Variants in ASAP1 observed in about 807,000 individuals in gnomAD.
The protein encoded by ASAP1 is arf-GAP with SH3 domain, ANK repeat and PH domain-containing protein 1.
In ASAP1, 43 loss-of-function variants were observed where a neutral mutation model predicts 145.2. The observed-to-expected ratio is 0.30, with a 90% confidence interval of 0.23 to 0.38. The LOEUF (loss-of-function observed/expected upper bound fraction) is 0.38. ASAP1 is among the 10% of genes least tolerant of loss of function. The pLI is 1.00. For missense variants in ASAP1, 1,018 were observed against 1,355.3 expected, an observed-to-expected ratio of 0.75 and a Z score of 3.91; for synonymous variants, 546 against 515.5, an observed-to-expected ratio of 1.06 and a Z score of -0.80.
chr8:130,114,040 C>CT (rs1222552701), intron 23 of ASAP1, among the ~76,000 whole-genome samples: 2 of 152,136 alleles, frequency 1.3e-5, no homozygotes, highest in Admixed American at 6.5e-5. Context: ...TCTCACCCTC[C>CT]CAAAGTGCTG....
intron 1 of ASAP1, among the ~76,000 whole-genome samples, chr8:130,413,878 TTTGCCAGATTCATTCATTCATTCA>T (rs1164568567): frequency 6.7e-6 from 1 of 148,426 alleles, no homozygotes; most frequent in African/African-American, 2.5e-5. Flanking sequence ...CATCTTCTAT[TTTGCCAGATTCATTCATTCATTCA>T]TTCATTCATT....
chr8:130,318,724 A>G (rs933574980), intron 3 of ASAP1, among the ~76,000 whole-genome samples: 1 of 152,230 alleles, frequency 6.6e-6, no homozygotes, highest in Admixed American at 6.5e-5. Flanking sequence ...ACTACGTGAT[A>G]GAGTTGGGGT....
At chr8:130,132,086 A>G (rs1050424224) in intron 15 of ASAP1, among the ~76,000 whole-genome samples, 1 of 152,162 alleles carries the variant, frequency 6.6e-6, no homozygotes, top group Non-Finnish European at 1.5e-5. Flanking sequence ...GAAATCGGAG[A>G]AGGAGAAACA....
chr8:130,153,177 G>A (rs1273851437), intron 12 of ASAP1, among the ~76,000 whole-genome samples: 5 of 150,768 alleles, frequency 3.3e-5, no homozygotes, highest in East Asian at 1.9e-4. Context: ...CTGCCACTGC[G>A]CCCGGCTAAT....
chr8:130,084,963 T>C (rs774442351), intron 25 of ASAP1, among the ~76,000 whole-genome samples: 1 of 152,196 alleles, frequency 6.6e-6, no homozygotes, highest in Non-Finnish European at 1.5e-5. Context: ...AAAAGTACAA[T>C]TCTAACTCCC....
intron 2 of ASAP1, among the ~76,000 whole-genome samples, chr8:130,380,031 G>C (rs1381516775): frequency 6.6e-6 from 1 of 152,202 alleles, no homozygotes; most frequent in Non-Finnish European, 1.5e-5. Flanking sequence ...GCCTGCACCA[G>C]ACATGTGCTG....
chr8:130,173,723 G>A (rs1386915959), intron 9 of ASAP1, among the ~76,000 whole-genome samples: 1 of 150,980 alleles, frequency 6.6e-6, no homozygotes, highest in Non-Finnish European at 1.5e-5. Flanking sequence ...AGCTAGGATT[G>A]TACCACTGCA....
At chr8:130,397,615 C>T (rs1828593592) in intron 2 of ASAP1, among the ~76,000 whole-genome samples, 1 of 152,192 alleles carries the variant, frequency 6.6e-6, no homozygotes, top group Non-Finnish European at 1.5e-5. Flanking sequence ...AAAAGCTGAC[C>T]CCTTCTTAGT....
intron 2 of ASAP1, among the ~76,000 whole-genome samples, chr8:130,393,632 T>G (rs542624616): frequency 9.9e-5 from 15 of 152,244 alleles, no homozygotes; most frequent in Middle Eastern, 3.4e-3. Context: ...GGCACACACC[T>G]GTAATCCCAG....
chr8:130,056,563 T>C (rs182004267), intron 29 of ASAP1, among the ~76,000 whole-genome samples: 10 of 152,326 alleles, frequency 6.6e-5, no homozygotes, highest in African/African-American at 1.7e-4. Context: ...GAGGGCAAAA[T>C]TGCCCCAGTT....
chr8:130,356,843 G>C (rs564121436), intron 3 of ASAP1, among the ~76,000 whole-genome samples: 1 of 152,268 alleles, frequency 6.6e-6, no homozygotes, highest in Non-Finnish European at 1.5e-5. Context: ...GCCCACAGAA[G>C]CCCAAGCTTC....
chr8:130,153,357 A>ATG (rs1554834283), intron 12 of ASAP1, among the ~76,000 whole-genome samples: 44 of 39,898 alleles, frequency 1.1e-3, no homozygotes, highest in South Asian at 1.7e-3. Context: ...ATATATATAT[A>ATG]TGTATATATA....
chr8:130,340,841 C>T (rs1448395528), intron 3 of ASAP1: 3 of 452,778 alleles, frequency 6.6e-6, no homozygotes, highest in Non-Finnish European at 1.3e-5. Context: ...AAGCTTAATA[C>T]CTTGTGACTC....
intron 13 of ASAP1, among the ~76,000 whole-genome samples, chr8:130,147,837 C>T (rs1388681729): frequency 6.6e-6 from 1 of 152,140 alleles, no homozygotes; most frequent in African/African-American, 2.4e-5. Flanking sequence ...GATTTCCAAC[C>T]CTTTTGAGTA....
intron 27 of ASAP1, among the ~76,000 whole-genome samples, chr8:130,074,891 T>C (rs1485143135): frequency 2.6e-5 from 4 of 151,978 alleles, no homozygotes; most frequent in Admixed American, 2.6e-4. Flanking sequence ...CAGAAGTCAG[T>C]TGAGTGGCAG....
intron 2 of ASAP1, among the ~76,000 whole-genome samples, chr8:130,369,065 C>T (rs1414560050): frequency 1.3e-5 from 2 of 152,146 alleles, no homozygotes; most frequent in Non-Finnish European, 2.9e-5. Context: ...ATGATATTTA[C>T]GTCAAAGGAT....
intron 3 of ASAP1, among the ~76,000 whole-genome samples, chr8:130,269,870 G>A (rs147908510): frequency 3.9e-5 from 6 of 152,252 alleles, no homozygotes; most frequent in African/African-American, 1.2e-4. Flanking sequence ...TGAGGCATTC[G>A]TTCCAAGTTA....
intron 3 of ASAP1, among the ~76,000 whole-genome samples, chr8:130,319,315 T>C (rs139418294): frequency 5.3e-4 from 81 of 152,044 alleles, no homozygotes; most frequent in Non-Finnish European, 8.8e-4. Context: ...TAAAATAAAA[T>C]AAAAAAAGGA....
chr8:130,177,551 C>T (rs1814047963), intron 9 of ASAP1, among the ~76,000 whole-genome samples: 2 of 152,198 alleles, frequency 1.3e-5, no homozygotes, highest in African/African-American at 4.8e-5. Context: ...AGTTTCATAA[C>T]TGCCCAACCA....
Sources: gnomAD v4.1 joint callset for allele counts (sites outside exome capture counted in the v4.1 genomes callset) on GRCh38, gnomAD v4.1.1 for gene constraint, MANE v1.5 for transcripts, NCBI Gene and HGNC (gene_info 2026-07-23, HGNC 2026-07-21) for gene names.